PIK3CD: variants seen among roughly 807,000 people sequenced by gnomAD.
PIK3CD encodes the protein phosphatidylinositol 4,5-bisphosphate 3-kinase catalytic subunit delta isoform.
Under a neutral mutation model 122.9 loss-of-function variants are expected in PIK3CD, and 20 were observed. The ratio of observed to expected loss-of-function variants is 0.16; its 90% CI spans 0.11 to 0.24. The LOEUF (loss-of-function observed/expected upper bound fraction) is 0.24, where lower values mean the gene tolerates loss of function less well. Among genes scored for constraint, PIK3CD ranks in the 10% least tolerant of loss-of-function variants. PIK3CD has a pLI of 1.00. For missense variants in PIK3CD, 787 were observed against 1,406.3 expected (o/e 0.56, Z 7.04); for synonymous variants, 596 against 593.4 (o/e 1.00, Z -0.06).
At chr1:9,678,903 G>A (rs114014025) in intron 1 of PIK3CD, among the ~76,000 whole-genome samples, 1 of 152,074 alleles carries the variant, frequency 6.6e-6, no homozygotes, top group African/African-American at 2.4e-5. Context: ...GCGTCTTTGG[G>A]TGACTCTCCA....
At chr1:9,697,413 G>A (rs1352240827) in intron 2 of PIK3CD, among the ~76,000 whole-genome samples, 2 of 151,902 alleles carry the variant, frequency 1.3e-5, no homozygotes, top group East Asian at 3.9e-4. Context: ...TGGACTTGTG[G>A]CCAGGCACGG....
At position 9,724,705 on chromosome 1, in the gene PIK3CD, C is replaced by A; in HGVS notation, c.2865-99C>A. On this transcript the variant is annotated intron_variant, in intron 22 of 23. Transcript: ENST00000377346. This position sits in a 1 kb window ranked among gnomAD's most constrained non-coding sequence, Gnocchi z 7.3. ...TGTCCACCCATTATCAGGGCAAGGGCAGGTGTCCTTGGGGAAGGGGCTGGT... is the reference window on the plus strand; with the variant it reads ...TGTCCACCCATTATCAGGGCAAGGGAAGGTGTCCTTGGGGAAGGGGCTGGT... 6.8e-7 allele frequency: 1 copy of A among 1,474,178 alleles called. No individual in the cohort carries two copies. The highest frequency in any genetic ancestry group is 9.5e-7 in the Non-Finnish European group (1 of 1,055,466). The allele number at this position is 1,474,178 out of a possible 1,614,324, so 91.3% of individuals were successfully genotyped here.
At position 9,727,880 on chromosome 1, in the gene PIK3CD, C is replaced by T. The variant is rs1649926549; in HGVS notation, c.*834C>T. The T allele has an allele frequency of 5.7e-6, 1 of 175,952 alleles. No individual in the cohort carries two copies. The allele number at this position is 175,952 out of a possible 1,614,324, so 10.9% of individuals were successfully genotyped here. A position where few individuals can be genotyped will look rare whatever the true frequency, so the allele number is the denominator to read the frequency against. On this transcript the variant is annotated 3_prime_UTR_variant, in exon 24 of 24. Transcript: ENST00000377346. ...AGTGCAGTGGTGCAATCTTGGCTCA[C>T]TGTAACCTCCGCCTCCCAGGTTCAA...
intron 1 of PIK3CD, among the ~76,000 whole-genome samples, chr1:9,662,845 C>T (rs1214125026): frequency 3.9e-5 from 6 of 152,102 alleles, no homozygotes; most frequent in Non-Finnish European, 5.9e-5. Context: ...CATGCCACCA[C>T]GCCTGGCTAA....
At chr1:9,683,453 A>C (rs1645847235) in intron 1 of PIK3CD, among the ~76,000 whole-genome samples, 1 of 118,378 alleles carries the variant, frequency 8.4e-6, no homozygotes, top group Non-Finnish European at 1.8e-5. Context: ...AAAAAAATAA[A>C]AACAACAACA....
In PIK3CD at chr1:9,710,385, CA is replaced by C; in HGVS notation, c.-32-38del. 1 of 1,520,968 alleles carries C rather than the reference CA, an allele frequency of 6.6e-7. No individual in the cohort carries two copies. Among genetic ancestry groups the C allele is most frequent in the Non-Finnish European group, 9.1e-7 (1 of 1,096,552 alleles). The allele number at this position is 1,520,968 out of a possible 1,614,324, so 94.2% of individuals were successfully genotyped here. On this transcript the variant is annotated intron_variant, in intron 2 of 23. Coordinates refer to ENST00000377346, the MANE Select transcript of PIK3CD (RefSeq NM_005026.5). The surrounding 1 kb of genome is among the most constrained non-coding windows in gnomAD (Gnocchi z 4.7). ...TCCCTTCCAAAGGTCTCACCCAGCT[CA>C]GCTGAGGTAACTCATTTTGCCATTT...
chr1:9,652,184 C>T lies in PIK3CD; in HGVS notation c.-138+382C>T, dbSNP rs1644695002. On this transcript the variant is annotated intron_variant, in intron 1 of 23. Coordinates refer to ENST00000377346, the MANE Select transcript of PIK3CD (RefSeq NM_005026.5). The surrounding 1 kb of genome is among the most constrained non-coding windows in gnomAD (Gnocchi z 6.2). Reference sequence around the variant, plus strand: ...GTGCGCCGGCTGAGGCGCGAGGATACTGGAAGCGCTCAGCGCGTGCGCCCG... The same window carrying T: ...GTGCGCCGGCTGAGGCGCGAGGATATTGGAAGCGCTCAGCGCGTGCGCCCG... 6.6e-6 allele frequency among the ~76,000 whole-genome samples: 1 copy of T among 152,048 alleles called. No individual in the cohort carries two copies. The highest frequency in any genetic ancestry group is 2.4e-5 in the African/African-American group (1 of 41,440).
At chr1:9,683,926 G>A (rs1276951124) in intron 1 of PIK3CD, among the ~76,000 whole-genome samples, 1 of 152,156 alleles carries the variant, frequency 6.6e-6, no homozygotes, top group Non-Finnish European at 1.5e-5. Context: ...GGGCTCAGGT[G>A]GGACTGTCAA....
At chr1:9,645,499 C>T in the PIK3CD span, among the ~76,000 whole-genome samples, 1 of 151,870 alleles carries the variant, frequency 6.6e-6, no homozygotes, top group Non-Finnish European at 1.5e-5. Flanking sequence ...GCTCTTGTTG[C>T]CCAGGCTGGA....
chr1:9,719,663 A>AG lies in PIK3CD; in HGVS notation c.1243-258_1243-257insG, dbSNP rs1648166368. On this transcript the variant is annotated intron_variant, in intron 9 of 23. Transcript: ENST00000377346. This position sits in a 1 kb window ranked among gnomAD's most constrained non-coding sequence, Gnocchi z 5.5. Reference sequence around the variant, plus strand: ...GTGACAGAGCAAGACTCCGTCTCAAAAAAAAAAAAAAGCCTGAGTAGGGGT... The same window carrying AG: ...GTGACAGAGCAAGACTCCGTCTCAAAGAAAAAAAAAAAGCCTGAGTAGGGGT... Among the ~76,000 whole-genome samples the AG allele has an allele frequency of 6.6e-6, 1 of 151,288 alleles. No homozygotes were observed. Among genetic ancestry groups the AG allele is most frequent in the South Asian group, 2.1e-4 (1 of 4,802 alleles).
chr1:9,681,801 A>C (rs115674717), intron 1 of PIK3CD, among the ~76,000 whole-genome samples: 2,859 of 152,320 alleles, frequency 0.019, 90 homozygotes, highest in African/African-American at 0.063. Context: ...GGTGGGGGCT[A>C]CACAACGGTG....
the PIK3CD span, among the ~76,000 whole-genome samples, chr1:9,644,930 A>C: frequency 6.6e-6 from 1 of 152,206 alleles, no homozygotes; most frequent in South Asian, 2.1e-4. Flanking sequence ...TGGTCAGTGG[A>C]GAACAGGCTT....
chr1:9,695,158 C>G (rs1444728347), intron 2 of PIK3CD, among the ~76,000 whole-genome samples: 4 of 151,992 alleles, frequency 2.6e-5, no homozygotes, highest in African/African-American at 9.7e-5. Flanking sequence ...AAAATTTCAA[C>G]AGAAGAGTTG....
At chr1:9,672,139 C>T (rs1645348866) in intron 1 of PIK3CD, among the ~76,000 whole-genome samples, 1 of 152,222 alleles carries the variant, frequency 6.6e-6, no homozygotes, top group Non-Finnish European at 1.5e-5. Flanking sequence ...AGCTCTTGAC[C>T]TGCAGCCGCC....
At position 9,720,344 on chromosome 1, in the gene PIK3CD, C is replaced by T. The variant is rs1373318853; in HGVS notation, c.1470+102C>T. 2 of 1,448,004 alleles carry T rather than the reference C, an allele frequency of 1.4e-6. No individual in the cohort carries two copies. The highest frequency in any genetic ancestry group is 9.3e-7 in the Non-Finnish European group (1 of 1,078,350). 89.7% of individuals were successfully genotyped at this position (1,448,004 alleles called of 1,614,324 possible). On this transcript the variant is annotated intron_variant, in intron 11 of 23. Coordinates refer to ENST00000377346, the MANE Select transcript of PIK3CD (RefSeq NM_005026.5). This position sits in a 1 kb window ranked among gnomAD's most constrained non-coding sequence, Gnocchi z 9.0. The stretch of plus-strand genomic sequence containing the variant: ...AGGGTGCTCCCTGGCCACGTCGGGG[C>T]TGGGCTACCAGGCATATCTGGGGCC...
chr1:9,658,521 A>ATTTTTTTTTTTTTTT (rs1165670404), intron 1 of PIK3CD, among the ~76,000 whole-genome samples: 2 of 91,206 alleles, frequency 2.2e-5, no homozygotes, highest in East Asian at 4.0e-4. Context: ...TCCCAGCCAC[A>ATTTTTTTTTTTTTTT]TTTTTTTTTT....
chr1:9,665,414 C>T (rs1420664786), intron 1 of PIK3CD, among the ~76,000 whole-genome samples: 1 of 151,230 alleles, frequency 6.6e-6, no homozygotes, highest in Non-Finnish European at 1.5e-5. Context: ...CCGCCATGCC[C>T]GGCTAATTTT....
intron 1 of PIK3CD, among the ~76,000 whole-genome samples, chr1:9,685,280 C>A (rs1253076814): frequency 1.3e-5 from 2 of 152,080 alleles, no homozygotes. Context: ...GAATTAAAAG[C>A]AAACATGTAA....
In PIK3CD at chr1:9,722,629, G is replaced by A. The variant is rs762978493; in HGVS notation, c.2426+23G>A. On this transcript the variant is annotated intron_variant, in intron 19 of 23. Coordinates refer to ENST00000377346, the MANE Select transcript of PIK3CD (RefSeq NM_005026.5). The surrounding 1 kb of genome is among the most constrained non-coding windows in gnomAD (Gnocchi z 7.6). ...GAGGTGAGGACCCCCACCCCACATC[G>A]TCCCTTGGTGTCTGTGCCCAGCCTG... 78 of 1,591,338 alleles carry A rather than the reference G, an allele frequency of 4.9e-5. No homozygotes were observed. Among genetic ancestry groups the A allele is most frequent in the South Asian group, 4.0e-4 (36 of 90,626 alleles).
Sources: allele counts gnomAD v4.1 joint callset (sites outside exome capture counted in the v4.1 genomes callset), GRCh38; gene constraint gnomAD v4.1.1; non-coding constraint Gnocchi (gnomAD v3.1); transcripts MANE v1.5; gene names NCBI Gene and HGNC (gene_info 2026-07-23, HGNC 2026-07-21).